ZNF727: variants seen among roughly 807,000 people sequenced by gnomAD.
The protein encoded by ZNF727 is zinc finger protein 727.
ZNF727 carries 11 observed loss-of-function variants against 11.5 expected under a neutral mutation model. The ratio of observed to expected loss-of-function variants is 0.95; its 90% confidence interval spans 0.60 to 1.58. ZNF727 has a LOEUF of 1.58. Among genes scored for constraint, ZNF727 ranks in the 40% most tolerant of loss-of-function variants. The pLI is 0.00. For synonymous variants in ZNF727, 171 were observed against 196.1 expected (o/e 0.87, Z 1.07); for missense variants, 533 against 581.7 (o/e 0.92, Z 0.86).
chr7:64,069,505 A>G lies in ZNF727; in HGVS notation c.131-9A>G, dbSNP rs769249611. 4 of 1,547,900 alleles carry G rather than the reference A, an allele frequency of 2.6e-6. No homozygotes were observed. The highest frequency in any genetic ancestry group is 3.9e-5 in the Admixed American group (2 of 51,018). On this transcript the variant is annotated splice_polypyrimidine_tract_variant and intron_variant, in intron 2 of 3. Coordinates refer to ENST00000456806, the MANE Select transcript of ZNF727 (RefSeq NM_001159522.3). ...GCAAGAGTCATGTTATTTTTTTCTA[A>G]TAAAACAGGTCTTGCTATCTTTAAG...
rs189928064 is a variant in ZNF727, at chr7:64,045,493, C to G, written c.-129C>G. ...GCTTCTAGGCTCTGAGTCCAGTACC[C>G]GTCTGTACTATTCCATCTCTTCCGC... is the stretch of plus-strand genomic sequence containing the variant. On this transcript the variant is annotated 5_prime_UTR_variant, in exon 1 of 4. Coordinates refer to ENST00000456806, the MANE Select transcript of ZNF727 (RefSeq NM_001159522.3). 2 of 1,271,948 alleles carry G rather than the reference C, an allele frequency of 1.6e-6. No homozygotes were observed. Among genetic ancestry groups the G allele is most frequent in the Non-Finnish European group, 2.2e-6 (2 of 893,318 alleles). The allele number at this position is 1,271,948 out of a possible 1,614,324, so 78.8% of individuals were successfully genotyped here. A position where few individuals can be genotyped will look rare whatever the true frequency, so the allele number is the denominator to read the frequency against.
intron 1 of ZNF727, among the ~76,000 whole-genome samples, chr7:64,055,859 T>C (rs2116281228): frequency 6.6e-6 from 1 of 152,344 alleles, no homozygotes; most frequent in Non-Finnish European, 1.5e-5. Context: ...TTTAATTCTT[T>C]TGGATATATA....
intron 1 of ZNF727, among the ~76,000 whole-genome samples, chr7:64,052,135 G>A (rs1232036389): frequency 1.3e-5 from 2 of 152,164 alleles, no homozygotes; most frequent in Admixed American, 6.5e-5. Context: ...GTCTAAGTGT[G>A]CTGTGTATGA....
chr7:64,060,902 AT>A (rs1281785994), intron 1 of ZNF727, among the ~76,000 whole-genome samples: 1 of 150,876 alleles, frequency 6.6e-6, no homozygotes, highest in Non-Finnish European at 1.5e-5. Flanking sequence ...AACATTTTAA[AT>A]TTTTTTCTTA....
chr7:64,069,655 A>G (rs550996144), intron 3 of ZNF727, 46 bp downstream of exon 3: 15 of 1,444,154 alleles, frequency 1.0e-5, no homozygotes, highest in Admixed American at 2.0e-5. Flanking sequence ...ACGGTTCCCA[A>G]TGTCAAGGAG....
At chr7:64,066,802 G>A (rs1789876394) in intron 1 of ZNF727, among the ~76,000 whole-genome samples, 1 of 152,138 alleles carries the variant, frequency 6.6e-6, no homozygotes, top group Non-Finnish European at 1.5e-5. Context: ...ATTGACAAAT[G>A]CGATCTAATT....
At chr7:64,060,969 G>A (rs917124017) in intron 1 of ZNF727, among the ~76,000 whole-genome samples, 1 of 151,828 alleles carries the variant, frequency 6.6e-6, no homozygotes, top group African/African-American at 2.4e-5. Context: ...CTCTGTGTTT[G>A]TATAGTTTCC....
rs551068182 is a variant in ZNF727 at position 64,070,787 on chromosome 7, T to C, written c.226+1178T>C. ...AACAACATATCCCACTTTCCCCACC[T>C]CTAGGGCCTAGCACTCACCTCTATA... On this transcript the variant is annotated intron_variant, in intron 3 of 3. Coordinates refer to ENST00000456806, the MANE Select transcript of ZNF727 (RefSeq NM_001159522.3). 2.6e-5 allele frequency among the ~76,000 whole-genome samples: 4 copies of C among 152,092 alleles called. No homozygotes were observed. The East Asian group carries it at 7.7e-4, about 29-fold the overall frequency.
At position 64,072,690 on chromosome 7, in the gene ZNF727, T is replaced by C. The variant is rs532304931; in HGVS notation, c.226+3081T>C. On this transcript the variant is annotated intron_variant, in intron 3 of 3. Coordinates refer to ENST00000456806, the MANE Select transcript of ZNF727 (RefSeq NM_001159522.3). ...GGCTGGAAGGAGCCGGAGATAGTTA[T>C]AGAGTCACTGCAGAATTTTAAGTGG... Among the ~76,000 whole-genome samples the C allele has an allele frequency of 5.3e-5, 8 of 152,262 alleles. No homozygotes were observed. The South Asian group carries it at 1.4e-3, about 28-fold the overall frequency.
intron 1 of ZNF727, among the ~76,000 whole-genome samples, chr7:64,057,392 T>C (rs1415506170): frequency 6.6e-6 from 1 of 152,142 alleles, no homozygotes; most frequent in Non-Finnish European, 1.5e-5. Flanking sequence ...AGGAAAAGGA[T>C]CATGTTCTTG....
At chr7:64,053,679 C>T (rs1789638445) in intron 1 of ZNF727, among the ~76,000 whole-genome samples, 1 of 152,012 alleles carries the variant, frequency 6.6e-6, no homozygotes, top group Admixed American at 6.6e-5. Flanking sequence ...GTTTTGCCTG[C>T]CACCATCCAT....
At chr7:64,051,939 G>A (rs974451446) in intron 1 of ZNF727, among the ~76,000 whole-genome samples, 28 of 152,232 alleles carry the variant, frequency 1.8e-4, no homozygotes, top group African/African-American at 6.3e-4. Context: ...GCATTTTGGG[G>A]TCATCTGAAG....
At position 64,059,183 on chromosome 7, in the gene ZNF727, T is replaced by G. The variant is rs535994194; in HGVS notation, c.4-9708T>G. On this transcript the variant is annotated intron_variant, in intron 1 of 3. Transcript: ENST00000456806. ...TGGTGTCAAACTCCTGACCTTGTGATCTGCCTGCCTCAGTCTCCCAAAGTG... is the reference window on the plus strand; with the variant it reads ...TGGTGTCAAACTCCTGACCTTGTGAGCTGCCTGCCTCAGTCTCCCAAAGTG... Among the ~76,000 whole-genome samples, 10 of 152,280 alleles carry G rather than the reference T, an allele frequency of 6.6e-5. No individual in the cohort carries two copies. In the South Asian group the frequency reaches 2.1e-3, roughly 32 times the overall value.
Position 64,078,275 on chromosome 7 carries a change from C to T in ZNF727, c.1226C>T (p.Ser409Leu), listed in dbSNP as rs773280386. 3.1e-6 allele frequency: 5 copies of T among 1,597,566 alleles called. No homozygotes were observed. In the South Asian group the frequency reaches 5.6e-5, roughly 18 times the overall value. Residue 409 changes from serine to leucine, a missense_variant, in exon 4 of 4, where the codon TCA becomes TTA. Around this residue, in one of 3 missense-constraint regions of ZNF727, gnomAD observed 463 missense variants for 494.5 expected, o/e 0.94. Coordinates refer to ENST00000456806, the MANE Select transcript of ZNF727 (RefSeq NM_001159522.3). ...TGTGGCAAAAGCTTTACCTGCTCCT[C>T]AAACCTTATTAAACACAAGAGAATT... The part of the protein sequence containing the change: ...EECGKSFTCS[S>L]NLIKHKRIHM...
At chr7:64,058,950 C>CTT (rs560995822) in intron 1 of ZNF727, among the ~76,000 whole-genome samples, 93,393 of 145,336 alleles carry the variant, frequency 0.64, 30,607 homozygotes, top group Non-Finnish European at 0.71. Context: ...ATTGCATTGT[C>CTT]TTTTTTTTTT....
chr7:64,050,155 C>T lies in ZNF727; in HGVS notation c.3+4531C>T, dbSNP rs1339613943. ...CTAGTCATATTTGCCAAAAGATTTA[C>T]TCAATTCACATATTCTTGAAAAATA... On this transcript the variant is annotated intron_variant, in intron 1 of 3. Coordinates refer to ENST00000456806, the MANE Select transcript of ZNF727 (RefSeq NM_001159522.3). Among the ~76,000 whole-genome samples the T allele has an allele frequency of 3.3e-5, 5 of 151,942 alleles. No individual in the cohort carries two copies. In the East Asian group the frequency reaches 7.7e-4, roughly 23 times the overall value.
rs1220334386 is a variant in ZNF727 at position 64,081,175 on chromosome 7, T to A, written c.*2626T>A. On this transcript the variant is annotated 3_prime_UTR_variant, in exon 4 of 4. Coordinates refer to ENST00000456806, the MANE Select transcript of ZNF727 (RefSeq NM_001159522.3). ...AAAGCAGCTGGGAGGGGAGTGGGGG[T>A]TACCTGCTGGAGACTGTGTGCTATT... is the stretch of plus-strand genomic sequence containing the variant. Among the ~76,000 whole-genome samples the A allele has an allele frequency of 6.6e-6, 1 of 151,678 alleles. No individual in the cohort carries two copies. Among genetic ancestry groups the A allele is most frequent in the Non-Finnish European group, 1.5e-5 (1 of 67,932 alleles).
chr7:64,045,475 G>A lies in ZNF727; in HGVS notation c.-147G>A. 8.8e-7 allele frequency: 1 copy of A among 1,136,844 alleles called. No homozygotes were observed. Among genetic ancestry groups the A allele is most frequent in the Non-Finnish European group, 1.3e-6 (1 of 770,834 alleles). The allele number at this position is 1,136,844 out of a possible 1,614,324, so 70.4% of individuals were successfully genotyped here. On this transcript the variant is annotated 5_prime_UTR_variant, in exon 1 of 4. It removes the in-frame stop codon of an upstream open reading frame in the 5' UTR. Transcript: ENST00000456806. ...CAAGGCCTTCGTCTCCTAGCTTCTA[G>A]GCTCTGAGTCCAGTACCCGTCTGTA...
chr7:64,062,851 A>G (rs1584147336), intron 1 of ZNF727, among the ~76,000 whole-genome samples: 9 of 150,582 alleles, frequency 6.0e-5, no homozygotes, highest in African/African-American at 2.2e-4. Context: ...CCTGTGTTCA[A>G]ATTCACTAAT....
Sources: allele counts gnomAD v4.1 joint callset (sites outside exome capture counted in the v4.1 genomes callset), GRCh38; gene constraint gnomAD v4.1.1; regional missense constraint gnomAD v4.1.1; transcripts MANE v1.5; gene names NCBI Gene and HGNC (gene_info 2026-07-23, HGNC 2026-07-21).